MAPRE3: variants seen among roughly 807,000 people sequenced by gnomAD.
MAPRE3 encodes the protein microtubule-associated protein RP/EB family member 3.
A neutral mutation model predicts 30.5 loss-of-function variants in MAPRE3; 2 were observed. That is an observed-to-expected ratio of 0.07 (90% CI 0.03 to 0.21). The LOEUF is 0.21. Ranked by LOEUF, MAPRE3 falls within the 10% of genes least tolerant of loss-of-function variation. MAPRE3 has a pLI of 1.00. For missense variants in MAPRE3, 204 were observed against 351.8 expected, an observed-to-expected ratio of 0.58 and a Z score of 3.36; for synonymous variants, 110 against 127.7, an observed-to-expected ratio of 0.86 and a Z score of 0.93.
At chr2:27,008,840 C>T (rs1022349030) in intron 1 of MAPRE3, among the ~76,000 whole-genome samples, 5 of 152,098 alleles carry the variant, frequency 3.3e-5, no homozygotes, top group South Asian at 2.1e-4. Flanking sequence ...TACATCCATA[C>T]GTGTGCCATT....
intron 1 of MAPRE3, chr2:27,014,092 C>G (rs1394275673): frequency 1.3e-5 from 2 of 152,050 alleles, no homozygotes; most frequent in Non-Finnish European, 2.9e-5. Flanking sequence ...CATTTGTTGA[C>G]CTAAAAAGTA....
chr2:26,999,150 A>G (rs1183913608), intron 1 of MAPRE3, among the ~76,000 whole-genome samples: 1 of 152,178 alleles, frequency 6.6e-6, no homozygotes, highest in Non-Finnish European at 1.5e-5. Context: ...TTTGGGGAAG[A>G]AGGAAGTGGA....
chr2:27,022,379 G>A, intron 2 of MAPRE3, 40 bp downstream of exon 2: 1 of 1,606,628 alleles, frequency 6.2e-7, no homozygotes, highest in Non-Finnish European at 8.5e-7. Flanking sequence ...CTGCTGGAAG[G>A]AAAGGAAAGA....
intron 1 of MAPRE3, among the ~76,000 whole-genome samples, chr2:26,997,350 GTT>G (rs943759540): frequency 1.4e-4 from 21 of 152,130 alleles, no homozygotes; most frequent in Non-Finnish European, 2.6e-4. Flanking sequence ...AAAACATGGA[GTT>G]TTTTTGTGAT....
At chr2:27,018,912 T>C (rs1667048085) in intron 1 of MAPRE3, among the ~76,000 whole-genome samples, 1 of 151,346 alleles carries the variant, frequency 6.6e-6, no homozygotes, top group African/African-American at 2.4e-5. Context: ...TATTTATTTA[T>C]TTATTTATTT....
At chr2:27,023,605 T>C (rs1667160004) in intron 3 of MAPRE3, 128 bp downstream of exon 3, 1 of 1,118,488 alleles carries the variant, frequency 8.9e-7, no homozygotes, top group African/African-American at 1.5e-5. Context: ...ACCTCCCGAC[T>C]CTCCAGAGGG....
intron 1 of MAPRE3, among the ~76,000 whole-genome samples, chr2:27,011,197 C>T (rs955830598): frequency 1.3e-5 from 2 of 152,046 alleles, no homozygotes; most frequent in Admixed American, 1.3e-4. Flanking sequence ...AAATATGTTT[C>T]CCATGTCCAG....
intron 1 of MAPRE3, among the ~76,000 whole-genome samples, chr2:26,994,421 T>C (rs1666410650): frequency 6.6e-6 from 1 of 152,208 alleles, no homozygotes; most frequent in African/African-American, 2.4e-5. Flanking sequence ...AATTCTCCTC[T>C]CTCTACCAGA....
intron 1 of MAPRE3, among the ~76,000 whole-genome samples, chr2:26,974,883 A>T (rs1430778222): frequency 6.6e-6 from 1 of 152,222 alleles, no homozygotes; most frequent in Non-Finnish European, 1.5e-5. Flanking sequence ...ATAGCAAATA[A>T]TGGTTTCAAA....
intron 1 of MAPRE3, among the ~76,000 whole-genome samples, chr2:27,021,735 A>C (rs1015760854): frequency 6.6e-6 from 1 of 152,208 alleles, no homozygotes; most frequent in Non-Finnish European, 1.5e-5. Context: ...GAGTGCCCGG[A>C]ATAAGCTCTG....
chr2:27,011,140 A>G (rs573711722), intron 1 of MAPRE3, among the ~76,000 whole-genome samples: 1 of 152,246 alleles, frequency 6.6e-6, no homozygotes, highest in Admixed American at 6.5e-5. Context: ...TTCCTCCAGG[A>G]CTGAGTCATT....
intron 1 of MAPRE3, among the ~76,000 whole-genome samples, chr2:26,994,529 C>A (rs1208734007): frequency 6.6e-6 from 1 of 152,164 alleles, no homozygotes; most frequent in Non-Finnish European, 1.5e-5. Flanking sequence ...GTTTTCCTTT[C>A]TAACTATCTT....
In MAPRE3 at chr2:27,015,639, AG is replaced by A. The variant is rs1666965852; in HGVS notation, c.-7-6570del. ...AGCTCTAGAGAATTAGAGAAGACTG[AG>A]GGCCCCTAAATTACCCTTAAGACAT... On this transcript the variant is annotated intron_variant, in intron 1 of 6. Coordinates refer to ENST00000233121, the MANE Select transcript of MAPRE3 (RefSeq NM_012326.4). The surrounding 1 kb of genome is among the most constrained non-coding windows in gnomAD (Gnocchi z 4.0). Among the ~76,000 whole-genome samples, 1 of 152,222 alleles carries A rather than the reference AG, an allele frequency of 6.6e-6. No individual in the cohort carries two copies. The highest frequency in any genetic ancestry group is 6.5e-5 in the Admixed American group (1 of 15,280).
intron 1 of MAPRE3, among the ~76,000 whole-genome samples, chr2:26,971,931 C>T (rs1665922929): frequency 6.6e-6 from 1 of 152,094 alleles, no homozygotes; most frequent in East Asian, 1.9e-4. Context: ...TTGGACAATT[C>T]CCTGGGTTAT....
chr2:27,008,282 T>C (rs1392379671), intron 1 of MAPRE3, among the ~76,000 whole-genome samples: 2 of 152,142 alleles, frequency 1.3e-5, no homozygotes, highest in Admixed American at 1.3e-4. Context: ...ATAGCGTAAA[T>C]GCATTTAAGA....
intron 1 of MAPRE3, among the ~76,000 whole-genome samples, chr2:26,979,318 G>C (rs1666071039): frequency 6.6e-6 from 1 of 152,182 alleles, no homozygotes; most frequent in Non-Finnish European, 1.5e-5. Flanking sequence ...AGGTGCAATG[G>C]CTCACGCCTG....
intron 6 of MAPRE3, 98 bp downstream of exon 6, chr2:27,026,130 G>A: frequency 2.7e-6 from 4 of 1,493,860 alleles, no homozygotes; most frequent in East Asian, 2.3e-5. Context: ...AACATTTACT[G>A]ATGAGAGAGA....
chr2:26,990,063 C>T (rs6741061), intron 1 of MAPRE3, among the ~76,000 whole-genome samples: 2,893 of 152,240 alleles, frequency 0.019, 103 homozygotes, highest in African/African-American at 0.067. Flanking sequence ...CCTGAAGTCC[C>T]AGCTACTTGG....
At chr2:26,992,257 G>A (rs1054266692) in intron 1 of MAPRE3, among the ~76,000 whole-genome samples, 5 of 145,406 alleles carry the variant, frequency 3.4e-5, no homozygotes, top group South Asian at 4.3e-4. Flanking sequence ...ATGGAGTTTC[G>A]CTCTTGTTGC....
Sources: allele counts gnomAD v4.1 joint callset (sites outside exome capture counted in the v4.1 genomes callset), GRCh38; gene constraint gnomAD v4.1.1; non-coding constraint Gnocchi (gnomAD v3.1); transcripts MANE v1.5; gene names NCBI Gene and HGNC (gene_info 2026-07-23, HGNC 2026-07-21).